ADAMTS19: variants seen among roughly 807,000 people sequenced by gnomAD.
ADAMTS19 encodes the protein A disintegrin and metalloproteinase with thrombospondin motifs 19.
In ADAMTS19, 93 loss-of-function variants were observed where a neutral mutation model predicts 153.3. The ratio of observed to expected loss-of-function variants is 0.61; its 90% CI spans 0.51 to 0.72. The LOEUF (loss-of-function observed/expected upper bound fraction) is 0.72, where lower values mean the gene tolerates loss of function less well. Among genes scored for constraint, ADAMTS19 ranks in the 30% least tolerant of loss-of-function variants. The probability of loss-of-function intolerance (pLI) is 0.00; values close to 1 mark genes in which losing one functional copy is unlikely to be tolerated. For missense variants in ADAMTS19, 1,482 were observed against 1,552.1 expected (o/e 0.95, Z 0.76); for synonymous variants, 600 against 556.6 (o/e 1.08, Z -1.10).
chr5:129,535,872 A>T (rs1210300150), intron 6 of ADAMTS19, among the ~76,000 whole-genome samples: 1 of 152,210 alleles, frequency 6.6e-6, no homozygotes, highest in African/African-American at 2.4e-5. Flanking sequence ...TAGAAAGCTG[A>T]AACTGGATCC....
intron 8 of ADAMTS19, among the ~76,000 whole-genome samples, chr5:129,598,371 T>C (rs1750483253): frequency 6.6e-6 from 1 of 152,160 alleles, no homozygotes; most frequent in African/African-American, 2.4e-5. Flanking sequence ...TAAAGTTTAG[T>C]TGGCAGTGGA....
chr5:129,461,128 G>A lies in ADAMTS19; in HGVS notation c.118G>A (p.Glu40Lys), dbSNP rs1749636732. ...SELQFAPDRE[E>K]WEVVFPALWR... ...GCTGCAGTTCGCCCCCGACCGCGAG[G>A]AGTGGGAAGTCGTGTTTCCTGCGCT... Residue 40 changes from glutamate to lysine, a missense_variant, in exon 2 of 23, where the codon GAG (glutamate) becomes AAG (lysine). By Grantham distance (56) the Glu-to-Lys change is moderately conservative. This residue lies in a region of ADAMTS19 where 866 missense variants were observed against 827.7 expected (regional missense o/e 1.05). Coordinates refer to ENST00000274487, the MANE Select transcript of ADAMTS19 (RefSeq NM_133638.6). This position sits in a 1 kb window ranked among gnomAD's most constrained non-coding sequence, Gnocchi z 4.6. 2 of 1,423,724 alleles carry A rather than the reference G, an allele frequency of 1.4e-6. No homozygotes were observed. The highest frequency in any genetic ancestry group is 9.2e-7 in the Non-Finnish European group (1 of 1,086,658). The allele number at this position is 1,423,724 out of a possible 1,614,324, so 88.2% of individuals were successfully genotyped here.
At position 129,461,826 on chromosome 5, in the gene ADAMTS19, G is replaced by T; in HGVS notation, c.747+69G>T. 1 of 1,451,746 alleles carries T rather than the reference G, an allele frequency of 6.9e-7. No individual in the cohort carries two copies. The allele number at this position is 1,451,746 out of a possible 1,614,324, so 89.9% of individuals were successfully genotyped here. A position where few individuals can be genotyped will look rare whatever the true frequency, so the allele number is the denominator to read the frequency against. ...CCTCTCCTTGCCCATAGGTCAGGAT[G>T]ATTTGCATGCACCTTCTCCCCTTTC... On this transcript the variant is annotated intron_variant, in intron 2 of 22. Transcript: ENST00000274487. This position sits in a 1 kb window ranked among gnomAD's most constrained non-coding sequence, Gnocchi z 4.6.
In ADAMTS19 at chr5:129,735,003, T is replaced by G; in HGVS notation, c.3384T>G (p.His1128Gln). 6.2e-7 allele frequency: 1 copy of G among 1,612,064 alleles called. No individual in the cohort carries two copies. The highest frequency in any genetic ancestry group is 8.5e-7 in the Non-Finnish European group (1 of 1,178,866). The stretch of plus-strand genomic sequence containing the variant: ...GCATGCATAAGATCACAGGAAGACA[T>G]GGAAATGAATGTTTTTCCTCAGAAA... ...IQCMHKITGR[H>Q]GNECFSSEKP... is the part of the protein sequence containing the mutation. Residue 1128 changes from histidine to glutamine, a missense_variant, in exon 22 of 23, where the codon CAT (histidine) becomes CAG (glutamine). His to Gln is a conservative substitution (Grantham distance 24). Transcript: ENST00000274487.
At chr5:129,623,216 TAA>T (rs766015403) in intron 10 of ADAMTS19, among the ~76,000 whole-genome samples, 15 of 152,166 alleles carry the variant, frequency 9.9e-5, no homozygotes, top group Non-Finnish European at 1.8e-4. Context: ...CAGTAGTCAG[TAA>T]TTACTCAGAG....
At chr5:129,570,359 A>G (rs938053598) in intron 7 of ADAMTS19, among the ~76,000 whole-genome samples, 2 of 151,896 alleles carry the variant, frequency 1.3e-5, no homozygotes, top group African/African-American at 4.8e-5. Context: ...AAATCCTCAA[A>G]CAAAACTTAT....
intron 3 of ADAMTS19, among the ~76,000 whole-genome samples, chr5:129,519,700 G>T (rs1461718493): frequency 6.6e-6 from 1 of 151,864 alleles, no homozygotes; most frequent in East Asian, 1.9e-4. Flanking sequence ...AATACACAAG[G>T]GATGATGTGA....
At chr5:129,561,880 T>G (rs952595068) in intron 7 of ADAMTS19, among the ~76,000 whole-genome samples, 2 of 152,156 alleles carry the variant, frequency 1.3e-5, no homozygotes, top group Non-Finnish European at 2.9e-5. Flanking sequence ...TATCTGTTAA[T>G]ATCACCATCT....
At chr5:129,593,623 G>A (rs1330475493) in intron 7 of ADAMTS19, among the ~76,000 whole-genome samples, 1 of 152,060 alleles carries the variant, frequency 6.6e-6, no homozygotes, top group Non-Finnish European at 1.5e-5. Context: ...CCCTGTAAGT[G>A]TTATGCCTTC....
intron 21 of ADAMTS19, among the ~76,000 whole-genome samples, chr5:129,729,883 C>G (rs1757362753): frequency 6.6e-6 from 1 of 152,038 alleles, no homozygotes; most frequent in South Asian, 2.1e-4. Flanking sequence ...CAGGAATAGT[C>G]TGTGACTAAT....
Position 129,734,912 on chromosome 5 carries a change from A to T in ADAMTS19, c.3313-20A>T, listed in dbSNP as rs780176620. 1 of 1,528,516 alleles carries T rather than the reference A, an allele frequency of 6.5e-7. No individual in the cohort carries two copies. Among genetic ancestry groups the T allele is most frequent in the Non-Finnish European group, 8.8e-7 (1 of 1,139,414 alleles). 94.7% of individuals were successfully genotyped at this position (1,528,516 alleles called of 1,614,324 possible). ...AATAAAAATAAAAAAGAACCTAAAC[A>T]AACCTTGTATTTCTCCTAGTGCTCA... On this transcript the variant is annotated intron_variant, in intron 21 of 22. Transcript: ENST00000274487.
chr5:129,679,589 A>T (rs765718960), intron 16 of ADAMTS19, among the ~76,000 whole-genome samples, 175 bp from the exon 17 acceptor site: 1 of 152,268 alleles, frequency 6.6e-6, no homozygotes, highest in African/African-American at 2.4e-5. Context: ...GAGCTATGGC[A>T]TCTGCCATGA....
intron 17 of ADAMTS19, among the ~76,000 whole-genome samples, chr5:129,680,761 CAA>C (rs529460608): frequency 3.3e-4 from 30 of 90,730 alleles, no homozygotes; most frequent in East Asian, 2.3e-3. Context: ...GACTCTGTCT[CAA>C]AAAAAAAAAA....
chr5:129,728,698 G>T (rs1757313140), intron 21 of ADAMTS19, among the ~76,000 whole-genome samples: 1 of 152,102 alleles, frequency 6.6e-6, no homozygotes, highest in Admixed American at 6.6e-5. Context: ...AGCTTCCACA[G>T]TGGTAGTAAT....
chr5:129,722,243 C>T lies in ADAMTS19; in HGVS notation c.3313-12689C>T, dbSNP rs137994402. Among the ~76,000 whole-genome samples, 297 of 152,288 alleles carry T rather than the reference C, an allele frequency of 2.0e-3. 2 individuals are homozygous for T. Among genetic ancestry groups the T allele is most frequent in the African/African-American group, 6.8e-3 (281 of 41,556 alleles). ...GCAGTGTAAAAGTGTCATATTTCTC[C>T]ACAGCCTCACCAGTATCTGTTGTTT... is the stretch of plus-strand genomic sequence containing the variant. On this transcript the variant is annotated intron_variant, in intron 21 of 22. Transcript: ENST00000274487.
At chr5:129,641,220 G>T (rs2127022728) in intron 10 of ADAMTS19, among the ~76,000 whole-genome samples, 1 of 152,144 alleles carries the variant, frequency 6.6e-6, no homozygotes, top group East Asian at 1.9e-4. Flanking sequence ...TTTGCTTATT[G>T]TTGCCATGTT....
intron 16 of ADAMTS19, among the ~76,000 whole-genome samples, chr5:129,665,963 T>G (rs560426554): frequency 1.2e-3 from 181 of 148,838 alleles, no homozygotes; most frequent in African/African-American, 4.3e-3. Context: ...TTAATTGCAT[T>G]TATAAATGAA....
rs554165181 is a variant in ADAMTS19 at position 129,650,543 on chromosome 5, G to A, written c.2176+1573G>A. On this transcript the variant is annotated intron_variant, in intron 13 of 22. Coordinates refer to ENST00000274487, the MANE Select transcript of ADAMTS19 (RefSeq NM_133638.6). ...TCCTTATTTTCTGCTATCAAGACAC[G>A]TTAGCCTAACGTAGGATACTTCATC... Among the ~76,000 whole-genome samples the A allele has an allele frequency of 3.0e-4, 46 of 152,170 alleles. No individual in the cohort carries two copies. In the South Asian group the frequency reaches 4.8e-3, roughly 16 times the overall value.
Position 129,641,955 on chromosome 5 carries a change from G to T in ADAMTS19, c.1867G>T (p.Gly623Cys). The change falls in exon 11 of 23, where the codon GGT becomes TGT. Residue 623 changes from glycine to cysteine, a missense_variant. This residue lies in a region of ADAMTS19 where 866 missense variants were observed against 827.7 expected (regional missense o/e 1.05). Transcript: ENST00000274487. ...AATGGATGGAACTGACTGTGACCTT[G>T]GTAAGGTAAGTCATTTGTGTTGTCT... ...PPMDGTDCDL[G>C]KWCKAGECTS... 3 of 1,584,918 alleles carry T rather than the reference G, an allele frequency of 1.9e-6. No homozygotes were observed. Among genetic ancestry groups the T allele is most frequent in the Non-Finnish European group, 2.6e-6 (3 of 1,162,092 alleles).
Sources: gnomAD v4.1 joint callset for allele counts (sites outside exome capture counted in the v4.1 genomes callset) on GRCh38, gnomAD v4.1.1 for gene constraint, gnomAD v4.1.1 regional missense constraint, Gnocchi (gnomAD v3.1) non-coding constraint, MANE v1.5 for transcripts, NCBI Gene and HGNC (gene_info 2026-07-23, HGNC 2026-07-21) for gene names.